Variants in FNDC1 observed in about 807,000 individuals in gnomAD.
FNDC1 encodes the protein fibronectin type III domain-containing protein 1.
In FNDC1, 96 loss-of-function variants were observed where a neutral mutation model predicts 168.0. The ratio of observed to expected loss-of-function variants is 0.57; its 90% CI spans 0.48 to 0.68. The LOEUF (loss-of-function observed/expected upper bound fraction) is 0.68, where lower values mean the gene tolerates loss of function less well. Ranked by LOEUF, FNDC1 falls within the 30% of genes least tolerant of loss-of-function variation. The pLI is 0.00. For synonymous variants in FNDC1, 1,099 were observed against 1,025.9 expected (o/e 1.07, Z -1.36); for missense variants, 2,587 against 2,482.1 (o/e 1.04, Z -0.90).
rs926956559 is a variant in FNDC1, at chr6:159,239,672, C to A, written c.4336C>A (p.Pro1446Thr). The change falls in exon 14 of 23, where the codon CCC (proline) becomes ACC (threonine). Residue 1446 changes from proline to threonine, a missense_variant. Physicochemically the swap from Pro to Thr is conservative, Grantham distance 38 (BLOSUM62 -1). Transcript: ENST00000297267. ...GLEVIKKTTH[P>T]PTTTMQPTTT... Reference sequence around the variant, plus strand: ...GGAGGTCATCAAAAAAACCACCCATCCCCCTACCACTACCATGCAGCCCAC... The same window carrying A: ...GGAGGTCATCAAAAAAACCACCCATACCCCTACCACTACCATGCAGCCCAC... 6.4e-7 allele frequency: 1 copy of A among 1,551,542 alleles called. No homozygotes were observed. Among genetic ancestry groups the A allele is most frequent in the African/African-American group, 1.4e-5 (1 of 73,054 alleles).
intron 22 of FNDC1, among the ~76,000 whole-genome samples, chr6:159,269,597 G>GTCTATCTATCTA (rs201581423): frequency 1.3e-4 from 16 of 123,872 alleles, no homozygotes; most frequent in Non-Finnish European, 2.0e-4. Context: ...CTGTCTGTCT[G>GTCTATCTATCTA]TCTATCTATC....
chr6:159,224,431 A>G (rs1183303066), intron 7 of FNDC1, among the ~76,000 whole-genome samples: 1 of 152,248 alleles, frequency 6.6e-6, no homozygotes, highest in African/African-American at 2.4e-5. Context: ...CCTCTCTGCA[A>G]CCAAGAAAGG....
intron 4 of FNDC1, among the ~76,000 whole-genome samples, chr6:159,211,296 G>A (rs993792652): frequency 6.6e-6 from 1 of 152,172 alleles, no homozygotes; most frequent in African/African-American, 2.4e-5. Context: ...GGCTGTAGAT[G>A]GAGTGAAACC....
chr6:159,178,222 T>G (rs1374768761), intron 1 of FNDC1, among the ~76,000 whole-genome samples: 6 of 152,226 alleles, frequency 3.9e-5, no homozygotes, highest in Admixed American at 3.9e-4. Context: ...CATTGATCCT[T>G]GTAGCCAAGG....
At chr6:159,269,385 A>C (rs60436959) in intron 22 of FNDC1, among the ~76,000 whole-genome samples, 11,600 of 34,878 alleles carry the variant, frequency 0.33, 3,544 homozygotes, top group East Asian at 0.54. Context: ...GCCCATCCAT[A>C]TATCTATCCA....
Position 159,248,921 on chromosome 6 carries a change from G to GTGTC in FNDC1, c.4691-103_4691-100dup, listed in dbSNP as rs1554228146. Reference sequence around the variant, plus strand: ...TTTATTTTAGGGTGTGTGTGTGTGTGTGTCTGTCTGTCTGTCTGGGTTTCA... The same window carrying GTGTC: ...TTTATTTTAGGGTGTGTGTGTGTGTGTGTCTGTCTGTCTGTCTGTCTGGGTTTCA... On this transcript the variant is annotated intron_variant, in intron 15 of 22. Transcript: ENST00000297267. The GTGTC allele has an allele frequency of 1.4e-3, 717 of 507,588 alleles. 1 individual carries two copies. The highest frequency in any genetic ancestry group is 4.9e-3 in the South Asian group (131 of 26,788). 31.4% of individuals were successfully genotyped at this position (507,588 alleles called of 1,614,324 possible). A position where few individuals can be genotyped will look rare whatever the true frequency, so the allele number is the denominator to read the frequency against.
intron 10 of FNDC1, among the ~76,000 whole-genome samples, chr6:159,231,430 A>C (rs2114987872): frequency 6.6e-6 from 1 of 152,180 alleles, no homozygotes; most frequent in Non-Finnish European, 1.5e-5. Context: ...ATTCCCCATC[A>C]CTTTGAGTAT....
chr6:159,261,591 T>C (rs1777486288), intron 19 of FNDC1, among the ~76,000 whole-genome samples: 1 of 152,218 alleles, frequency 6.6e-6, no homozygotes, highest in Non-Finnish European at 1.5e-5. Context: ...AAAAAAATTA[T>C]TGCAAGCACC....
intron 1 of FNDC1, among the ~76,000 whole-genome samples, chr6:159,178,761 T>G (rs181800153): frequency 2.5e-4 from 38 of 151,294 alleles, no homozygotes; most frequent in Admixed American, 2.2e-3. Flanking sequence ...TTTTTTTTTG[T>G]AAATGGAGAA....
Position 159,229,940 on chromosome 6 carries a change from C to CG in FNDC1, c.1309dup (p.Ala437GlyfsTer23), listed in dbSNP as rs759687751. Reference sequence around the variant, plus strand: ...TGGGGAACGCTATCTTTTCAAAATCCGGGCCACAAACAGGAGAGGCCTGGG... The same window carrying CG: ...TGGGGAACGCTATCTTTTCAAAATCCGGGGCCACAAACAGGAGAGGCCTGGG... On this transcript the variant is annotated frameshift_variant, in exon 10 of 23. Coordinates refer to ENST00000297267, the MANE Select transcript of FNDC1 (RefSeq NM_032532.3). LOFTEE classifies it high-confidence loss of function. 18 of 1,613,904 alleles carry CG rather than the reference C, an allele frequency of 1.1e-5. No individual in the cohort carries two copies. Among genetic ancestry groups the CG allele is most frequent in the Non-Finnish European group, 1.1e-5 (13 of 1,179,844 alleles).
intron 9 of FNDC1, among the ~76,000 whole-genome samples, chr6:159,228,818 G>A (rs918988212): frequency 6.6e-6 from 1 of 152,108 alleles, no homozygotes; most frequent in African/African-American, 2.4e-5. Context: ...TGGGACCACA[G>A]GCACACACCA....
chr6:159,225,326 G>C (rs1401084501), intron 7 of FNDC1, among the ~76,000 whole-genome samples: 1 of 150,784 alleles, frequency 6.6e-6, no homozygotes, highest in Non-Finnish European at 1.5e-5. Flanking sequence ...GTCTTGAAAA[G>C]ACACTAAGCT....
chr6:159,187,509 T>C lies in FNDC1; in HGVS notation c.110-9922T>C, dbSNP rs530231650. 2.6e-5 allele frequency among the ~76,000 whole-genome samples: 4 copies of C among 152,322 alleles called. No homozygotes were observed. The South Asian group carries it at 8.3e-4, about 32-fold the overall frequency. ...ATGCCAACTGTGGAAAACACTTCTA[T>C]TGAACCCTATGCATATTGAGAAATG... On this transcript the variant is annotated intron_variant, in intron 1 of 22. Coordinates refer to ENST00000297267, the MANE Select transcript of FNDC1 (RefSeq NM_032532.3).
chr6:159,176,316 A>G (rs1781760497), intron 1 of FNDC1, among the ~76,000 whole-genome samples: 1 of 152,212 alleles, frequency 6.6e-6, no homozygotes. Context: ...TGGGAGTCAG[A>G]CAAAGACACA....
chr6:159,202,675 G>A (rs544993029), intron 4 of FNDC1, among the ~76,000 whole-genome samples: 11 of 152,270 alleles, frequency 7.2e-5, no homozygotes, highest in African/African-American at 2.6e-4. Context: ...CCTTTTGCAG[G>A]CTTACAGCTA....
chr6:159,234,559 T>A lies in FNDC1; in HGVS notation c.3967+80T>A. Reference sequence around the variant, plus strand: ...AATGCCTAAGAAGTTTTTATTCTATTGCATTTAGCACCTACTATGTCCACG... The same window carrying A: ...AATGCCTAAGAAGTTTTTATTCTATAGCATTTAGCACCTACTATGTCCACG... On this transcript the variant is annotated intron_variant, in intron 11 of 22. Coordinates refer to ENST00000297267, the MANE Select transcript of FNDC1 (RefSeq NM_032532.3). 6 of 1,370,274 alleles carry A rather than the reference T, an allele frequency of 4.4e-6. No homozygotes were observed. In the South Asian group the frequency reaches 6.6e-5, roughly 15 times the overall value. 84.9% of individuals were successfully genotyped at this position (1,370,274 alleles called of 1,614,324 possible). A position where few individuals can be genotyped will look rare whatever the true frequency, so the allele number is the denominator to read the frequency against.
intron 7 of FNDC1, among the ~76,000 whole-genome samples, chr6:159,224,323 T>C (rs909969523): frequency 5.3e-5 from 8 of 152,208 alleles, no homozygotes; most frequent in African/African-American, 1.9e-4. Context: ...GGTAGATTAG[T>C]ATAGCCATGA....
At position 159,205,932 on chromosome 6, in the gene FNDC1, T is replaced by C. The variant is rs1782478292; in HGVS notation, c.460+5351T>C. ...GAATGTACTTAAAACACACCAAAGG[T>C]ACACAGAAGAAAGACTCATCCCCAG... On this transcript the variant is annotated intron_variant, in intron 4 of 22. Coordinates refer to ENST00000297267, the MANE Select transcript of FNDC1 (RefSeq NM_032532.3). Among the ~76,000 whole-genome samples, 3 of 152,212 alleles carry C rather than the reference T, an allele frequency of 2.0e-5. No individual in the cohort carries two copies. The South Asian group carries it at 6.2e-4, about 32-fold the overall frequency.
chr6:159,233,348 G>A lies in FNDC1; in HGVS notation c.2836G>A (p.Ala946Thr), dbSNP rs1324134400. 6.2e-7 allele frequency: 1 copy of A among 1,613,680 alleles called. No individual in the cohort carries two copies. The highest frequency in any genetic ancestry group is 2.2e-5 in the East Asian group (1 of 44,878). The change falls in exon 11 of 23, where the codon GCC becomes ACC. Residue 946 changes from alanine (A) to threonine (T), a missense_variant. By Grantham distance (58) the Ala-to-Thr change is moderately conservative. Transcript: ENST00000297267. This position sits in a 1 kb window ranked among gnomAD's most constrained non-coding sequence, Gnocchi z 4.6. Reference protein sequence around the residue: ...THPQGKYSSLASKAQDVQQST... With the variant: ...THPQGKYSSLTSKAQDVQQST... ...TCCTCAGGGCAAGTACTCCTCCCTG[G>A]CCTCCAAGGCTCAGGATGTTCAACA...
Sources: allele counts gnomAD v4.1 joint callset (sites outside exome capture counted in the v4.1 genomes callset), GRCh38; gene constraint gnomAD v4.1.1; non-coding constraint Gnocchi (gnomAD v3.1); transcripts MANE v1.5; gene names NCBI Gene and HGNC (gene_info 2026-07-23, HGNC 2026-07-21).